Variants in SOS1 observed in about 807,000 individuals in gnomAD.
The protein encoded by SOS1 is SOS Ras/Rac guanine nucleotide exchange factor 1.
In SOS1, 25 loss-of-function variants were observed where a neutral mutation model predicts 157.6. The ratio of observed to expected loss-of-function variants is 0.16; its 90% CI spans 0.12 to 0.22. SOS1 has a LOEUF of 0.22. Among genes scored for constraint, SOS1 ranks in the 10% least tolerant of loss-of-function variants. The pLI is 1.00. For missense variants in SOS1, 1,237 were observed against 1,599.1 expected, an observed-to-expected ratio of 0.77 and a Z score of 3.86; for synonymous variants, 528 against 534.0, an observed-to-expected ratio of 0.99 and a Z score of 0.16.
upstream of SOS1, among the ~76,000 whole-genome samples, chr2:39,121,759 G>C (rs1673902184): frequency 6.6e-6 from 1 of 152,114 alleles, no homozygotes; most frequent in Non-Finnish European, 1.5e-5. Flanking sequence ...TTTTTCACCA[G>C]GGCCTCTACA....
At chr2:39,089,913 G>A (rs776023949) in intron 1 of SOS1, among the ~76,000 whole-genome samples, 2 of 151,068 alleles carry the variant, frequency 1.3e-5, no homozygotes, top group Non-Finnish European at 2.9e-5. Flanking sequence ...GATCATTTGA[G>A]GTTAGGAGTT....
intron 5 of SOS1, among the ~76,000 whole-genome samples, chr2:39,053,364 T>A (rs1370907873): frequency 6.6e-6 from 1 of 152,212 alleles, no homozygotes; most frequent in Non-Finnish European, 1.5e-5. Flanking sequence ...TGATTAGTGA[T>A]GTTGAACACC....
chr2:39,036,481 T>C (rs1670352474), intron 6 of SOS1, among the ~76,000 whole-genome samples: 1 of 152,146 alleles, frequency 6.6e-6, no homozygotes, highest in Non-Finnish European at 1.5e-5. Flanking sequence ...CTCCTGAGTA[T>C]CTGGGACCAC....
intron 2 of SOS1, among the ~76,000 whole-genome samples, chr2:39,060,097 T>C (rs1671349043): frequency 6.6e-6 from 1 of 152,188 alleles, no homozygotes; most frequent in Non-Finnish European, 1.5e-5. Flanking sequence ...AGAATTCTTT[T>C]CTTTTTTCCA....
intron 2 of SOS1, among the ~76,000 whole-genome samples, chr2:39,066,587 T>C (rs953012132): frequency 1.3e-5 from 2 of 152,230 alleles, no homozygotes; most frequent in Non-Finnish European, 2.9e-5. Context: ...GCCCCTTTCA[T>C]GGTTTCCCAT....
At chr2:39,079,602 CT>C (rs1672133919) in intron 1 of SOS1, among the ~76,000 whole-genome samples, 1 of 138,228 alleles carries the variant, frequency 7.2e-6, no homozygotes, top group African/African-American at 2.7e-5. Context: ...TCAAGCAATT[CT>C]CCTGCCTCAG....
Position 39,024,112 on chromosome 2 carries a change from T to G in SOS1, c.1100A>C (p.Gln367Pro). 1 of 1,611,016 alleles carries G rather than the reference T, an allele frequency of 6.2e-7. No homozygotes were observed. Among genetic ancestry groups the G allele is most frequent in the Non-Finnish European group, 8.5e-7 (1 of 1,177,406 alleles). The change falls in exon 9 of 23, where the codon CAA becomes CCA. Residue 367 changes from glutamine (Q) to proline (P), a missense_variant. By Grantham distance (76) the Gln-to-Pro change is moderately conservative. Coordinates refer to ENST00000402219, the MANE Select transcript of SOS1 (RefSeq NM_005633.4). ...LKQLEEKSED[Q>P]EDKECLKQAI... The stretch of plus-strand genomic sequence containing the variant: ...TTGTTTTAAACATTCCTTGTCTTCT[T>G]GATCTTCACTTTTTTCTTCTAACTG...
chr2:39,057,037 C>T (rs1223176276), intron 3 of SOS1, among the ~76,000 whole-genome samples, 171 bp from the exon 4 acceptor site: 1 of 152,130 alleles, frequency 6.6e-6, no homozygotes, highest in African/African-American at 2.4e-5. Context: ...ATATGTATTA[C>T]TATTGAAAAT....
chr2:38,989,205 G>C lies in SOS1; in HGVS notation c.3391+65C>G. On this transcript the variant is annotated intron_variant, in intron 21 of 22. Coordinates refer to ENST00000402219, the MANE Select transcript of SOS1 (RefSeq NM_005633.4). ...CCCAAGAAGAGTTTTAGCAGGAAAG[G>C]TTACACTTGGTTTGATTTTTAAAGC... is the stretch of plus-strand genomic sequence containing the variant. 6 of 1,118,192 alleles carry C rather than the reference G, an allele frequency of 5.4e-6. No individual in the cohort carries two copies. In the South Asian group the frequency reaches 7.5e-5, roughly 14 times the overall value. The allele number at this position is 1,118,192 out of a possible 1,614,324, so 69.3% of individuals were successfully genotyped here.
intron 2 of SOS1, among the ~76,000 whole-genome samples, chr2:39,063,824 C>T (rs1193561472): frequency 7.9e-5 from 12 of 151,874 alleles, no homozygotes; most frequent in Non-Finnish European, 1.8e-4. Flanking sequence ...ATTCTTTAAA[C>T]ATTTTTTTTT....
chr2:39,119,289 C>G (rs971792478), intron 1 of SOS1, among the ~76,000 whole-genome samples: 4 of 152,134 alleles, frequency 2.6e-5, no homozygotes, highest in African/African-American at 7.2e-5. Flanking sequence ...AATATATGAG[C>G]AAATTCTCCT....
At chr2:39,075,230 T>G (rs1671929230) in intron 1 of SOS1, among the ~76,000 whole-genome samples, 1 of 152,128 alleles carries the variant, frequency 6.6e-6, no homozygotes, top group African/African-American at 2.4e-5. Context: ...AAGGGCCTGT[T>G]AAGGTAGAAG....
chr2:39,102,230 A>AAAAAAAAAAT (rs1553370166), intron 1 of SOS1, among the ~76,000 whole-genome samples: 30 of 142,948 alleles, frequency 2.1e-4, no homozygotes, highest in Non-Finnish European at 4.2e-4. Flanking sequence ...AAAAAAAAAA[A>AAAAAAAAAAT]GTGCCACTTT....
intron 10 of SOS1, among the ~76,000 whole-genome samples, chr2:39,019,091 A>C (rs1433114553): frequency 1.3e-5 from 2 of 151,804 alleles, no homozygotes; most frequent in Non-Finnish European, 3.0e-5. Flanking sequence ...AAATAGCAGT[A>C]AATACTTTAA....
intron 8 of SOS1, among the ~76,000 whole-genome samples, chr2:39,031,083 C>G (rs1670143305): frequency 6.6e-6 from 1 of 152,108 alleles, no homozygotes; most frequent in African/African-American, 2.4e-5. Flanking sequence ...TCAGATTCCT[C>G]ACCTCCAGAA....
chr2:39,022,298 G>C (rs1029785278), intron 10 of SOS1, among the ~76,000 whole-genome samples: 5 of 151,830 alleles, frequency 3.3e-5, no homozygotes, highest in African/African-American at 1.2e-4. Flanking sequence ...ACTAACTTTA[G>C]TCTTGTTTCT....
At chr2:39,034,865 TGCATAAA>T in intron 8 of SOS1, 2 of 463,724 alleles carry the variant, frequency 4.3e-6, no homozygotes, top group South Asian at 1.5e-5. Context: ...GAAACTGCGA[TGCATAAA>T]TCCAAGGTTG....
chr2:39,079,467 A>C (rs896678608), intron 1 of SOS1, among the ~76,000 whole-genome samples: 3 of 150,394 alleles, frequency 2.0e-5, no homozygotes, highest in Admixed American at 6.6e-5. Context: ...GAAACCAAAG[A>C]AGCCTTTAAA....
At chr2:39,029,575 GACTGTACC>G (rs1419839317) in intron 8 of SOS1, among the ~76,000 whole-genome samples, 1 of 152,118 alleles carries the variant, frequency 6.6e-6, no homozygotes, top group Non-Finnish European at 1.5e-5. Context: ...AGTGAGCAGT[GACTGTACC>G]ACTGCACTCC....
Sources: allele counts gnomAD v4.1 joint callset (sites outside exome capture counted in the v4.1 genomes callset), GRCh38; gene constraint gnomAD v4.1.1; transcripts MANE v1.5; gene names NCBI Gene and HGNC (gene_info 2026-07-23, HGNC 2026-07-21).